Variants in CHD1 observed in about 807,000 individuals in gnomAD.
CHD1 encodes ATP-dependent chromatin remodeler CHD1.
In CHD1, 36 loss-of-function variants were observed where a neutral mutation model predicts 224.2. The observed-to-expected ratio is 0.16, with a 90% CI of 0.12 to 0.21. The LOEUF is 0.21. CHD1 is among the 10% of genes least tolerant of loss of function. CHD1 has a pLI of 1.00. For synonymous variants in CHD1, 668 were observed against 658.3 expected, an observed-to-expected ratio of 1.01 and a Z score of -0.23; for missense variants, 1,378 against 1,994.8, an observed-to-expected ratio of 0.69 and a Z score of 5.89.
At chr5:98,916,336 A>C (rs979278669) in intron 2 of CHD1, among the ~76,000 whole-genome samples, 2 of 152,042 alleles carry the variant, frequency 1.3e-5, no homozygotes, top group African/African-American at 2.4e-5. Flanking sequence ...ACCTGAGTTC[A>C]GGAGTTCGAG....
Position 98,927,282 on chromosome 5 carries a change from A to G in CHD1, c.-148-748T>C, listed in dbSNP as rs1283935734. ...CCACCTTTAAAGATTTCAGTACAACACTGAAGAATCACCTACAAGCCATCC... is the reference window on the plus strand; with the variant it reads ...CCACCTTTAAAGATTTCAGTACAACGCTGAAGAATCACCTACAAGCCATCC... On this transcript the variant is annotated intron_variant, in intron 1 of 35. Coordinates refer to ENST00000614616, the MANE Select transcript of CHD1 (RefSeq NM_001270.4). 2.6e-5 allele frequency among the ~76,000 whole-genome samples: 4 copies of G among 152,210 alleles called. No individual in the cohort carries two copies. The East Asian group carries it at 5.8e-4, about 22-fold the overall frequency.
At chr5:98,870,007 G>A in intron 29 of CHD1, 125 bp from the exon 30 acceptor site, 1 of 642,344 alleles carries the variant, frequency 1.6e-6, no homozygotes. Flanking sequence ...GTAATAAGCT[G>A]TACCAACATC....
At chr5:98,871,950 G>A in intron 28 of CHD1, 101 bp downstream of exon 28, 1 of 1,094,740 alleles carries the variant, frequency 9.1e-7, no homozygotes, top group Non-Finnish European at 1.3e-6. Flanking sequence ...CTAGTGCCTT[G>A]GTTTCCAGAT....
At chr5:98,858,603 A>C (rs563915922) in intron 34 of CHD1, 51 of 511,840 alleles carry the variant, frequency 1.0e-4, no homozygotes, top group Middle Eastern at 1.0e-3. Flanking sequence ...CAAAAACTAA[A>C]AAATATGGGA....
chr5:98,905,105 T>C lies in CHD1; in HGVS notation c.54-7A>G. ...AGAATCATCATCCGACTGGCTATAA[T>C]TTGAAAATAAACAATTTCAAACAAA... On this transcript the variant is annotated splice_polypyrimidine_tract_variant and splice_region_variant and intron_variant, in intron 2 of 35. Transcript: ENST00000614616. The C allele has an allele frequency of 6.2e-7, 1 of 1,612,658 alleles. No homozygotes were observed. Among genetic ancestry groups the C allele is most frequent in the Non-Finnish European group, 8.5e-7 (1 of 1,178,934 alleles).
chr5:98,881,261 T>C lies in CHD1; in HGVS notation c.2964+18A>G. 3 of 1,369,028 alleles carry C rather than the reference T, an allele frequency of 2.2e-6. No homozygotes were observed. Among genetic ancestry groups the C allele is most frequent in the Non-Finnish European group, 2.9e-6 (3 of 1,027,734 alleles). The allele number at this position is 1,369,028 out of a possible 1,614,324, so 84.8% of individuals were successfully genotyped here. ...ATATTCTGAGGCAGGCCTTTTTTTT[T>C]TTTTTTTTTTTTTTTACCTGGGGCT... is the stretch of plus-strand genomic sequence containing the variant. On this transcript the variant is annotated intron_variant, in intron 21 of 35. Coordinates refer to ENST00000614616, the MANE Select transcript of CHD1 (RefSeq NM_001270.4).
At chr5:98,905,344 T>C (rs894622183) in intron 2 of CHD1, among the ~76,000 whole-genome samples, 1 of 152,214 alleles carries the variant, frequency 6.6e-6, no homozygotes, top group African/African-American at 2.4e-5. Context: ...TAGATTTTTA[T>C]GGCTAAAACA....
chr5:98,923,191 A>G (rs1753219381), intron 2 of CHD1, among the ~76,000 whole-genome samples: 1 of 152,156 alleles, frequency 6.6e-6, no homozygotes, highest in Admixed American at 6.5e-5. Flanking sequence ...AGAGCATAGT[A>G]TAGCAGCGGT....
At chr5:98,856,835 T>C (rs1017791649) in intron 35 of CHD1, 110 bp from the exon 36 acceptor site, 32 of 750,660 alleles carry the variant, frequency 4.3e-5, no homozygotes, top group Non-Finnish European at 6.1e-5. Flanking sequence ...TTTAATTGTA[T>C]AGAAATTCAG....
chr5:98,919,440 AAC>A (rs1176606330), intron 2 of CHD1, among the ~76,000 whole-genome samples: 1 of 152,196 alleles, frequency 6.6e-6, no homozygotes, highest in Non-Finnish European at 1.5e-5. Flanking sequence ...AACATCAGAA[AAC>A]AGTGTTTTGA....
chr5:98,869,966 C>G lies in CHD1; in HGVS notation c.3979-84G>C, dbSNP rs1749212278. The G allele has an allele frequency of 4.1e-6, 4 of 977,992 alleles. No homozygotes were observed. In the East Asian group the frequency reaches 1.0e-4, roughly 25 times the overall value. The allele number at this position is 977,992 out of a possible 1,614,324, so 60.6% of individuals were successfully genotyped here. A position where few individuals can be genotyped will look rare whatever the true frequency, so the allele number is the denominator to read the frequency against. On this transcript the variant is annotated intron_variant, in intron 29 of 35. Coordinates refer to ENST00000614616, the MANE Select transcript of CHD1 (RefSeq NM_001270.4). ...TAAACATTAAATCCAAGGGCTAGAACACATATTCCTACCTGATCCTTAGTC... is the reference window on the plus strand; with the variant it reads ...TAAACATTAAATCCAAGGGCTAGAAGACATATTCCTACCTGATCCTTAGTC...
chr5:98,895,392 C>T (rs1751279352), intron 12 of CHD1, among the ~76,000 whole-genome samples: 1 of 152,124 alleles, frequency 6.6e-6, no homozygotes, highest in Admixed American at 6.5e-5. Context: ...ATTTGTGAAA[C>T]TTAAGAACAT....
At chr5:98,884,313 A>G (rs1481989379) in intron 18 of CHD1, among the ~76,000 whole-genome samples, 1 of 151,982 alleles carries the variant, frequency 6.6e-6, no homozygotes, top group Non-Finnish European at 1.5e-5. Flanking sequence ...TGACCTCATG[A>G]TCCGCCCGTC....
intron 23 of CHD1, among the ~76,000 whole-genome samples, chr5:98,877,099 G>A (rs1399898963): frequency 1.3e-5 from 2 of 152,180 alleles, no homozygotes; most frequent in African/African-American, 4.8e-5. Flanking sequence ...TTTGACCCCA[G>A]GAAGCTGAGG....
At chr5:98,916,136 G>C (rs938015821) in intron 2 of CHD1, among the ~76,000 whole-genome samples, 1 of 152,026 alleles carries the variant, frequency 6.6e-6, no homozygotes, top group Non-Finnish European at 1.5e-5. Flanking sequence ...AAGTTCCAGT[G>C]AGCCAAGACT....
At position 98,920,586 on chromosome 5, in the gene CHD1, C is replaced by T. The variant is rs536808365; in HGVS notation, c.53+5748G>A. 3.9e-4 allele frequency among the ~76,000 whole-genome samples: 60 copies of T among 152,244 alleles called. No homozygotes were observed. The South Asian group carries it at 0.011, about 28-fold the overall frequency. ...CCAAGGTGGGTGGATTACCTGAGGTCAAGAGTTCAAGATCAGCCTGACCAA... is the reference window on the plus strand; with the variant it reads ...CCAAGGTGGGTGGATTACCTGAGGTTAAGAGTTCAAGATCAGCCTGACCAA... On this transcript the variant is annotated intron_variant, in intron 2 of 35. Transcript: ENST00000614616.
At chr5:98,888,848 C>T (rs1445707836) in intron 16 of CHD1, among the ~76,000 whole-genome samples, 1 of 152,036 alleles carries the variant, frequency 6.6e-6, no homozygotes, top group Non-Finnish European at 1.5e-5. Flanking sequence ...TTATTATAGG[C>T]CATGGTTTGA....
intron 17 of CHD1, 38 bp from the exon 18 acceptor site, chr5:98,885,687 T>C: frequency 8.7e-7 from 1 of 1,144,420 alleles, no homozygotes; most frequent in Non-Finnish European, 1.3e-6. Flanking sequence ...ATAAACAGAA[T>C]CAAAGTATTA....
chr5:98,860,751 G>T (rs1748407712), intron 32 of CHD1: 1 of 152,570 alleles, frequency 6.6e-6, no homozygotes, highest in African/African-American at 2.4e-5. Context: ...AGTTAGGGTA[G>T]TATCCCTAGA....
Sources: allele counts gnomAD v4.1 joint callset (sites outside exome capture counted in the v4.1 genomes callset), GRCh38; gene constraint gnomAD v4.1.1; transcripts MANE v1.5; gene names NCBI Gene and HGNC (gene_info 2026-07-23, HGNC 2026-07-21).